OCA2: variants seen among roughly 807,000 people sequenced by gnomAD.
OCA2 encodes P protein.
In OCA2, 77 loss-of-function variants were observed where a neutral mutation model predicts 100.2. The ratio of observed to expected loss-of-function variants is 0.77; its 90% confidence interval spans 0.64 to 0.93. The LOEUF is 0.93. Ranked by LOEUF, OCA2 falls within the 40% of genes least tolerant of loss-of-function variation. The probability of loss-of-function intolerance (pLI) is 0.00; values close to 1 mark genes in which losing one functional copy is unlikely to be tolerated. For missense variants in OCA2, 1,062 were observed against 1,089.1 expected (o/e 0.98, Z 0.35); for synonymous variants, 432 against 439.2 (o/e 0.98, Z 0.21).
chr15:27,745,106 A>G, the OCA2 span, among the ~76,000 whole-genome samples: 1 of 152,206 alleles, frequency 6.6e-6, no homozygotes, highest in Admixed American at 6.5e-5. Context: ...CTCCCACAAG[A>G]AAGAATTCAG....
In OCA2 at chr15:27,860,529, C is replaced by T. The variant is rs1253920234; in HGVS notation, c.2245-9054G>A. On this transcript the variant is annotated intron_variant, in intron 21 of 23. Transcript: ENST00000354638. ...ATATGTACCCAATATTTAGCTGCCA[C>T]TTACAAGTGAGAACATGTAATATTT... 2.0e-5 allele frequency among the ~76,000 whole-genome samples: 3 copies of T among 152,196 alleles called. No homozygotes were observed. The East Asian group carries it at 5.8e-4, about 29-fold the overall frequency.
chr15:27,872,751 A>G (rs1038994459), intron 19 of OCA2, among the ~76,000 whole-genome samples: 2 of 149,062 alleles, frequency 1.3e-5, no homozygotes, highest in African/African-American at 5.0e-5. Context: ...GTGCAGTGGC[A>G]CGATCTCGGT....
At chr15:27,936,696 G>C (rs191012620) in intron 18 of OCA2, among the ~76,000 whole-genome samples, 29 of 152,230 alleles carry the variant, frequency 1.9e-4, no homozygotes, top group Non-Finnish European at 2.6e-4. Flanking sequence ...CACAGGCTTA[G>C]AACCAGGAAG....
chr15:28,020,504 T>C (rs1051049838), intron 6 of OCA2, among the ~76,000 whole-genome samples: 2 of 151,958 alleles, frequency 1.3e-5, no homozygotes, highest in African/African-American at 4.8e-5. Flanking sequence ...CCCTTCCCCC[T>C]GCGGGAAAGT....
intron 14 of OCA2, among the ~76,000 whole-genome samples, chr15:27,967,822 G>A (rs970162157): frequency 6.6e-6 from 1 of 152,254 alleles, no homozygotes; most frequent in Non-Finnish European, 1.5e-5. Flanking sequence ...AGTCAGCGGC[G>A]TCATTGGTTG....
At chr15:27,822,716 C>A (rs990874287) in intron 23 of OCA2, among the ~76,000 whole-genome samples, 1 of 152,108 alleles carries the variant, frequency 6.6e-6, no homozygotes, top group Admixed American at 6.5e-5. Flanking sequence ...AGTGAAATTG[C>A]TCATTTTTCT....
chr15:27,971,937 G>A (rs1406908726), intron 14 of OCA2, among the ~76,000 whole-genome samples: 1 of 152,060 alleles, frequency 6.6e-6, no homozygotes, highest in Non-Finnish European at 1.5e-5. Flanking sequence ...AGTGGACATT[G>A]TACATAATAT....
chr15:27,817,101 A>T (rs1471875555), intron 23 of OCA2, among the ~76,000 whole-genome samples: 1 of 151,080 alleles, frequency 6.6e-6, no homozygotes. Context: ...TGGCATCCTT[A>T]CTCTCCTATT....
the OCA2 span, among the ~76,000 whole-genome samples, chr15:27,730,768 TATATATATA>T: frequency 8.4e-6 from 1 of 119,314 alleles, no homozygotes; most frequent in African/African-American, 4.7e-5. Flanking sequence ...TATATATATA[TATATATATA>T]TGTTTTTTTT....
intron 14 of OCA2, among the ~76,000 whole-genome samples, chr15:27,981,010 T>C (rs996042199): frequency 1.3e-5 from 2 of 152,374 alleles, no homozygotes; most frequent in African/African-American, 4.8e-5. Flanking sequence ...GTTAGGCCAC[T>C]TGAAATTTTC....
chr15:27,858,199 C>A (rs2036009295), intron 21 of OCA2, among the ~76,000 whole-genome samples: 1 of 151,830 alleles, frequency 6.6e-6, no homozygotes, highest in Non-Finnish European at 1.5e-5. Context: ...CATGGTGAAA[C>A]CTCATCTCTA....
intron 1 of OCA2, among the ~76,000 whole-genome samples, chr15:28,087,865 C>A (rs1271330674): frequency 6.6e-6 from 1 of 152,126 alleles, no homozygotes; most frequent in Non-Finnish European, 1.5e-5. Context: ...AGTTTGCCAC[C>A]AGCCTAGCCA....
intron 23 of OCA2, among the ~76,000 whole-genome samples, chr15:27,769,257 C>A (rs565977654): frequency 1.3e-5 from 2 of 152,230 alleles, no homozygotes; most frequent in African/African-American, 2.4e-5. Flanking sequence ...TGTCAAAGCA[C>A]AAATCACGAT....
chr15:27,981,477 C>T (rs146205926), intron 14 of OCA2, among the ~76,000 whole-genome samples: 1,723 of 152,266 alleles, frequency 0.011, 25 homozygotes, highest in Admixed American at 0.04. Context: ...AGTTAAAATA[C>T]TTAGAAACAG....
chr15:28,043,093 C>CA lies in OCA2; in HGVS notation c.228-10931dup, dbSNP rs969438675. ...AATATAAATGGATATTAATAATTGG[C>CA]AAAAAAGTATAATCATATGCCCCAA... On this transcript the variant is annotated intron_variant, in intron 2 of 23. Transcript: ENST00000354638. The surrounding 1 kb of genome is among the most constrained non-coding windows in gnomAD (Gnocchi z 4.4). Among the ~76,000 whole-genome samples the CA allele has an allele frequency of 1.3e-5, 2 of 152,060 alleles. No individual in the cohort carries two copies. The highest frequency in any genetic ancestry group is 6.6e-5 in the Admixed American group (1 of 15,262).
chr15:28,025,472 A>G (rs903592222), intron 4 of OCA2, among the ~76,000 whole-genome samples: 2 of 151,994 alleles, frequency 1.3e-5, no homozygotes, highest in Non-Finnish European at 2.9e-5. Flanking sequence ...CCCCCTTACC[A>G]TTACCCATTT....
chr15:27,741,251 T>C, the OCA2 span, among the ~76,000 whole-genome samples: 6 of 152,098 alleles, frequency 3.9e-5, no homozygotes, highest in Admixed American at 2.6e-4. Flanking sequence ...ATTCCTATTG[T>C]CAAATTAAAA....
intron 14 of OCA2, among the ~76,000 whole-genome samples, chr15:27,972,911 G>C (rs1481632418): frequency 6.8e-6 from 1 of 148,086 alleles, no homozygotes; most frequent in Non-Finnish European, 1.5e-5. Context: ...TCTCACCCAA[G>C]CTGGAGTGCA....
intron 19 of OCA2, among the ~76,000 whole-genome samples, chr15:27,887,164 C>T (rs1048907474): frequency 2.0e-5 from 3 of 152,192 alleles, no homozygotes; most frequent in African/African-American, 7.2e-5. Flanking sequence ...GCCTCCCCAG[C>T]CATGTTGACC....
Sources: allele counts gnomAD v4.1 joint callset (sites outside exome capture counted in the v4.1 genomes callset), GRCh38; gene constraint gnomAD v4.1.1; non-coding constraint Gnocchi (gnomAD v3.1); transcripts MANE v1.5; gene names NCBI Gene and HGNC (gene_info 2026-07-23, HGNC 2026-07-21).